The following ZNF182 variants were observed in gnomAD, a reference collection of about 807,000 sequenced individuals.
ZNF182 encodes zinc finger protein 21 (KOX 14).
ZNF182 carries 10 observed loss-of-function variants against 28.1 expected under a neutral mutation model. That is an observed-to-expected ratio of 0.36 (90% CI 0.22 to 0.60). The LOEUF (loss-of-function observed/expected upper bound fraction) is 0.60. Among genes scored for constraint, ZNF182 ranks in the 20% least tolerant of loss-of-function variants. ZNF182 has a pLI of 0.75. For missense variants in ZNF182, 352 were observed against 453.2 expected, an observed-to-expected ratio of 0.78 and a Z score of 2.03; for synonymous variants, 156 against 158.7, an observed-to-expected ratio of 0.98 and a Z score of 0.13.
At chrX:47,989,424 C>T (rs1450053191) in intron 3 of ZNF182, among the ~76,000 whole-genome samples, 1 of 25,181 alleles carries the variant, frequency 4.0e-5, no homozygotes, top group African/African-American at 7.0e-5. Flanking sequence ...GAGACTTCGT[C>T]TCAAAAAAAA....
intron 5 of ZNF182, among the ~76,000 whole-genome samples, chrX:47,978,458 C>T (rs2058893742): frequency 8.9e-6 from 1 of 111,985 alleles, no homozygotes; most frequent in Non-Finnish European, 1.9e-5. Context: ...TCATGTGTTA[C>T]AATAGTTAAC....
At chrX:47,981,696 C>G (rs1055678073) in intron 5 of ZNF182, among the ~76,000 whole-genome samples, 31 of 111,261 alleles carry the variant, frequency 2.8e-4, no homozygotes, top group Admixed American at 9.5e-4. Context: ...GTCAGGAGAT[C>G]GAGATCATCC....
chrX:47,985,174 ACAT>A (rs2058919551), intron 3 of ZNF182, among the ~76,000 whole-genome samples: 1 of 112,336 alleles, frequency 8.9e-6, no homozygotes, highest in African/African-American at 3.2e-5. Context: ...AAACCTAGAA[ACAT>A]ATCAAAGGTT....
intron 3 of ZNF182, among the ~76,000 whole-genome samples, chrX:47,986,811 G>A (rs940191283): frequency 1.8e-5 from 2 of 112,014 alleles, no homozygotes; most frequent in Admixed American, 1.9e-4. Flanking sequence ...GGCTTTCTGA[G>A]CTTCCGGCCT....
At chrX:47,979,334 G>A (rs782026976) in intron 5 of ZNF182, among the ~76,000 whole-genome samples, 5 of 111,326 alleles carry the variant, frequency 4.5e-5, no homozygotes, top group Non-Finnish European at 7.5e-5. Flanking sequence ...TTTACAAAAT[G>A]CTCTCCATGG....
chrX:47,984,048 G>A (rs1446796188), intron 3 of ZNF182, among the ~76,000 whole-genome samples: 29 of 111,567 alleles, frequency 2.6e-4, no homozygotes, highest in Non-Finnish European at 1.9e-4. Flanking sequence ...ATAAGGTATC[G>A]TATGTAGAAT....
At chrX:48,002,384 CAA>C (rs2058980959) in intron 3 of ZNF182, 1 of 520,954 alleles carries the variant, frequency 1.9e-6, no homozygotes, top group African/African-American at 2.3e-5. Context: ...CCAGAAGGCT[CAA>C]AGAGAAACTG....
intron 3 of ZNF182, among the ~76,000 whole-genome samples, chrX:47,994,594 T>C (rs2058952120): frequency 8.9e-6 from 1 of 111,834 alleles, no homozygotes; most frequent in Non-Finnish European, 1.9e-5. Flanking sequence ...TTTAGCAAAC[T>C]GTGAAGATGA....
At chrX:47,979,866 GGTGTGTGTGTGTGT>G (rs56350180) in intron 5 of ZNF182, among the ~76,000 whole-genome samples, 11 of 89,775 alleles carry the variant, frequency 1.2e-4, no homozygotes, top group African/African-American at 1.6e-4. Flanking sequence ...GTGTGTGTGG[GGTGTGTGTGTGTGT>G]GTGTGTGTGT....
chrX:47,982,839 G>A, intron 5 of ZNF182, 110 bp downstream of exon 5: 1 of 723,783 alleles, frequency 1.4e-6, no homozygotes, highest in Non-Finnish European at 2.1e-6. Flanking sequence ...CAGTGCCAAG[G>A]GCCAGAACCT....
Position 47,989,426 on chromosome X carries a change from CA to C in ZNF182, c.16-6016del, listed in dbSNP as rs34874899. Among the ~76,000 whole-genome samples the C allele has an allele frequency of 3.9e-3, 347 of 88,660 alleles. 1 individual carries two copies. The highest frequency in any genetic ancestry group is 0.014 in the African/African-American group (324 of 23,637). 77.0% of individuals were successfully genotyped at this position (88,660 alleles called of 115,157 possible). A position where few individuals can be genotyped will look rare whatever the true frequency, so the allele number is the denominator to read the frequency against. On this transcript the variant is annotated intron_variant, in intron 3 of 5. Coordinates refer to ENST00000376943, the MANE Select transcript of ZNF182 (RefSeq NM_001007088.2). ...TAGGCAACAGAGTGAGACTTCGTCT[CA>C]AAAAAAAAAAAAAAGACAAATTGAC...
intron 2 of ZNF182, among the ~76,000 whole-genome samples, chrX:48,003,176 A>C (rs1178140408): frequency 8.9e-6 from 1 of 112,324 alleles, no homozygotes; most frequent in Non-Finnish European, 1.9e-5. Context: ...GTAGGTTTTA[A>C]AACTGCGGGA....
intron 5 of ZNF182, among the ~76,000 whole-genome samples, chrX:47,980,346 A>G (rs2058901037): frequency 1.4e-5 from 1 of 74,071 alleles, no homozygotes; most frequent in African/African-American, 4.2e-5. Context: ...GTGCAAAGAT[A>G]TAGTTAGATA....
intron 3 of ZNF182, among the ~76,000 whole-genome samples, chrX:47,998,213 T>C (rs2058965935): frequency 9.1e-6 from 1 of 109,329 alleles, no homozygotes; most frequent in African/African-American, 3.3e-5. Context: ...GCCTCCCGAG[T>C]AGCTGGGACT....
chrX:47,989,485 T>A (rs1402907340), intron 3 of ZNF182, among the ~76,000 whole-genome samples: 1 of 108,833 alleles, frequency 9.2e-6, no homozygotes, highest in Non-Finnish European at 1.9e-5. Flanking sequence ...CAAGGATACA[T>A]CACTTACATT....
At chrX:47,993,637 C>T (rs1327822499) in intron 3 of ZNF182, among the ~76,000 whole-genome samples, 3 of 112,032 alleles carry the variant, frequency 2.7e-5, no homozygotes, top group African/African-American at 9.7e-5. Context: ...CCCATGATTA[C>T]AAGTTCTTCT....
At chrX:47,997,816 C>T (rs782177770) in intron 3 of ZNF182, among the ~76,000 whole-genome samples, 56 of 110,859 alleles carry the variant, frequency 5.1e-4, no homozygotes, top group Non-Finnish European at 9.6e-4. Context: ...ATTAATTCAC[C>T]AAAAAGATAC....
intron 5 of ZNF182, among the ~76,000 whole-genome samples, chrX:47,979,884 T>C (rs1260289921): frequency 7.5e-5 from 8 of 106,947 alleles, no homozygotes; most frequent in African/African-American, 2.0e-4. Context: ...TGTGTGTGTG[T>C]GTGTGTGTGT....
intron 3 of ZNF182, among the ~76,000 whole-genome samples, chrX:47,984,412 A>T (rs2058916972): frequency 9.0e-6 from 1 of 111,632 alleles, no homozygotes; most frequent in African/African-American, 3.3e-5. Flanking sequence ...TTCTACTCCT[A>T]GGTACACATC....
Sources: gnomAD v4.1 joint callset for allele counts (sites outside exome capture counted in the v4.1 genomes callset) on GRCh38, gnomAD v4.1.1 for gene constraint, MANE v1.5 for transcripts, NCBI Gene and HGNC (gene_info 2026-07-23, HGNC 2026-07-21) for gene names.